Variants in FZR1 observed in about 807,000 individuals in gnomAD.
FZR1 encodes the protein fizzy-related protein homolog.
Under a neutral mutation model 63.6 loss-of-function variants are expected in FZR1, and 11 were observed. That is an observed-to-expected ratio of 0.17 (90% CI 0.11 to 0.29). The LOEUF (loss-of-function observed/expected upper bound fraction) is 0.29. Ranked by LOEUF, FZR1 falls within the 10% of genes least tolerant of loss-of-function variation. FZR1 has a pLI of 1.00. For missense variants in FZR1, 440 were observed against 687.5 expected (o/e 0.64, Z 4.03); for synonymous variants, 328 against 297.9 (o/e 1.10, Z -1.04).
At chr19:3,509,436 G>A (rs2083008893) in intron 1 of FZR1, among the ~76,000 whole-genome samples, 1 of 152,162 alleles carries the variant, frequency 6.6e-6, no homozygotes, top group South Asian at 2.1e-4. Flanking sequence ...CTTCTTCACT[G>A]GCCCTTCTTT....
At chr19:3,511,327 C>A (rs1356545667) in intron 1 of FZR1, among the ~76,000 whole-genome samples, 1 of 152,198 alleles carries the variant, frequency 6.6e-6, no homozygotes, top group Non-Finnish European at 1.5e-5. Context: ...GAGCTGCCCC[C>A]CACACAGGGA....
At chr19:3,532,393 G>GGCCTCACAGCCCCT (rs2083257547) in intron 10 of FZR1, 24 bp from the exon 11 acceptor site, 14 of 1,561,010 alleles carry the variant, frequency 9.0e-6, no homozygotes, top group Non-Finnish European at 1.2e-5. Flanking sequence ...GGACAGCCCC[G>GGCCTCACAGCCCCT]GCCTCACAGC....
intron 1 of FZR1, among the ~76,000 whole-genome samples, chr19:3,512,435 GA>G (rs1255511902): frequency 2.0e-5 from 3 of 152,250 alleles, no homozygotes; most frequent in Non-Finnish European, 4.4e-5. Flanking sequence ...CCCAAGAGGT[GA>G]AGCTGCCCAA....
At chr19:3,520,670 G>A (rs1226618350) in intron 1 of FZR1, among the ~76,000 whole-genome samples, 1 of 152,226 alleles carries the variant, frequency 6.6e-6, no homozygotes, top group African/African-American at 2.4e-5. Context: ...CCCAGTCAGC[G>A]CTGCCTGCGG....
In FZR1 at chr19:3,514,966, T is replaced by C. The variant is rs944459952; in HGVS notation, c.-34-7990T>C. ...GGGGGTGAAAGGTGGACCTTCCCTATGAGCTGGCCCAGGGGGTTTGCAGGA... is the reference window on the plus strand; with the variant it reads ...GGGGGTGAAAGGTGGACCTTCCCTACGAGCTGGCCCAGGGGGTTTGCAGGA... On this transcript the variant is annotated intron_variant, in intron 1 of 13. Coordinates refer to ENST00000441788, the MANE Select transcript of FZR1 (RefSeq NM_016263.4). This position sits in a 1 kb window ranked among gnomAD's most constrained non-coding sequence, Gnocchi z 4.2. Among the ~76,000 whole-genome samples, 1 of 152,144 alleles carries C rather than the reference T, an allele frequency of 6.6e-6. No homozygotes were observed. Among genetic ancestry groups the C allele is most frequent in the South Asian group, 2.1e-4 (1 of 4,824 alleles).
rs1173536739 is a variant in FZR1 at position 3,535,809 on chromosome 19, C to T, written c.*973C>T. 1.3e-5 allele frequency: 2 copies of T among 152,354 alleles called. No homozygotes were observed. The highest frequency in any genetic ancestry group is 2.9e-5 in the Non-Finnish European group (2 of 68,124). The allele number at this position is 152,354 out of a possible 1,614,324, so 9.4% of individuals were successfully genotyped here. ...CAGGCTGCCTGTGTCTTCACCTGTC[C>T]TGTCCACCAGCGCCAACAGCCGTGG... is the stretch of plus-strand genomic sequence containing the variant. On this transcript the variant is annotated 3_prime_UTR_variant, in exon 14 of 14. Coordinates refer to ENST00000441788, the MANE Select transcript of FZR1 (RefSeq NM_016263.4).
intron 1 of FZR1, among the ~76,000 whole-genome samples, chr19:3,507,215 C>A (rs988364133): frequency 4.1e-5 from 6 of 148,110 alleles, no homozygotes; most frequent in Non-Finnish European, 5.9e-5. Context: ...AAGCCTCAGA[C>A]GAGCTATCCG....
rs2083261432 is a variant in FZR1, at chr19:3,532,800, G to GT, written c.1242+152dup. Reference sequence around the variant, plus strand: ...GGGAGGCCGAGCGGGGAGGCAGGGAGTTGTGGGGGGCAAGGCCCCTGGGCC... The same window carrying GT: ...GGGAGGCCGAGCGGGGAGGCAGGGAGTTTGTGGGGGGCAAGGCCCCTGGGCC... On this transcript the variant is annotated intron_variant, in intron 11 of 13. Transcript: ENST00000441788. 3 of 657,124 alleles carry GT rather than the reference G, an allele frequency of 4.6e-6. No individual in the cohort carries two copies. In the East Asian group the frequency reaches 8.2e-5, roughly 18 times the overall value. 40.7% of individuals were successfully genotyped at this position (657,124 alleles called of 1,614,324 possible).
rs1279561213 is a variant in FZR1, at chr19:3,534,943, G to A, written c.*107G>A. 9.9e-6 allele frequency: 9 copies of A among 910,350 alleles called. No homozygotes were observed. The highest frequency in any genetic ancestry group is 5.3e-5 in the South Asian group (4 of 75,274). The allele number at this position is 910,350 out of a possible 1,614,324, so 56.4% of individuals were successfully genotyped here. A position where few individuals can be genotyped will look rare whatever the true frequency, so the allele number is the denominator to read the frequency against. On this transcript the variant is annotated 3_prime_UTR_variant, in exon 14 of 14. Coordinates refer to ENST00000441788, the MANE Select transcript of FZR1 (RefSeq NM_016263.4). ...CCAGCGCTTGTCCCCCGAGGAAGGC[G>A]GCTGGGCGGGCGGGGAGCTGGGCCT...
intron 1 of FZR1, among the ~76,000 whole-genome samples, chr19:3,521,861 T>A (rs2083104958): frequency 6.6e-6 from 1 of 150,784 alleles, no homozygotes; most frequent in Non-Finnish European, 1.5e-5. Flanking sequence ...TCACTTTTTT[T>A]TTTTTTTTTT....
At chr19:3,507,639 C>T (rs2082994492) in intron 1 of FZR1, among the ~76,000 whole-genome samples, 1 of 152,166 alleles carries the variant, frequency 6.6e-6, no homozygotes, top group Admixed American at 6.5e-5. Flanking sequence ...AAGGGAAAAC[C>T]ATCCACCAAG....
At chr19:3,531,604 AC>A in intron 8 of FZR1, 109 bp from the exon 9 acceptor site, 1 of 714,888 alleles carries the variant, frequency 1.4e-6, no homozygotes. Context: ...CGTTAGGGAA[AC>A]CGTCCCAGAG....
At chr19:3,511,353 C>T (rs1348056445) in intron 1 of FZR1, among the ~76,000 whole-genome samples, 1 of 152,212 alleles carries the variant, frequency 6.6e-6, no homozygotes, top group Non-Finnish European at 1.5e-5. Context: ...GTGAGAGCTG[C>T]TGGCCGAGTA....
chr19:3,514,557 G>A lies in FZR1; in HGVS notation c.-35+8083G>A, dbSNP rs1275662701. Among the ~76,000 whole-genome samples the A allele has an allele frequency of 6.6e-6, 1 of 152,112 alleles. No individual in the cohort carries two copies. The highest frequency in any genetic ancestry group is 1.5e-5 in the Non-Finnish European group (1 of 68,000). ...AATCACCCTGGTTAAGACCCCCTGG[G>A]TTATGGGATTCCATGGACCCCCAAG... On this transcript the variant is annotated intron_variant, in intron 1 of 13. Transcript: ENST00000441788. The surrounding 1 kb of genome is among the most constrained non-coding windows in gnomAD (Gnocchi z 4.2).
chr19:3,534,346 C>T, intron 12 of FZR1, 75 bp from the exon 13 acceptor site: 1 of 800,772 alleles, frequency 1.2e-6, no homozygotes, highest in Non-Finnish European at 2.1e-6. Context: ...TTGCTCCCCT[C>T]TCCTTCAGTC....
intron 1 of FZR1, among the ~76,000 whole-genome samples, chr19:3,522,615 A>G (rs1170463420): frequency 6.6e-6 from 1 of 152,156 alleles, no homozygotes; most frequent in African/African-American, 2.4e-5. Flanking sequence ...TCCTCGGGAC[A>G]TGGAGGCTGC....
rs1170906969 is a variant in FZR1, at chr19:3,527,479, T to C, written c.471-152T>C. ...ACCCGAGGGTGAAGGCCTGTGGGGCTGTCCCTGGGTTTAGGATCACATGGT... is the reference window on the plus strand; with the variant it reads ...ACCCGAGGGTGAAGGCCTGTGGGGCCGTCCCTGGGTTTAGGATCACATGGT... On this transcript the variant is annotated intron_variant, in intron 6 of 13. Transcript: ENST00000441788. 6.3e-6 allele frequency: 4 copies of C among 637,652 alleles called. No individual in the cohort carries two copies. In the East Asian group the frequency reaches 8.3e-5, roughly 13 times the overall value. The allele number at this position is 637,652 out of a possible 1,614,324, so 39.5% of individuals were successfully genotyped here.
rs1278661207 is a variant in FZR1, at chr19:3,516,951, G to T, written c.-34-6005G>T. Among the ~76,000 whole-genome samples the T allele has an allele frequency of 2.0e-5, 3 of 152,262 alleles. No homozygotes were observed. The highest frequency in any genetic ancestry group is 2.0e-4 in the Admixed American group (3 of 15,290). ...CTGGCGCCCGGTGTATTTGCTTTCA[G>T]TGCTGACTTCAGGGCAGCATCAGTG... On this transcript the variant is annotated intron_variant, in intron 1 of 13. Transcript: ENST00000441788. This position sits in a 1 kb window ranked among gnomAD's most constrained non-coding sequence, Gnocchi z 6.0.
chr19:3,522,702 G>A (rs2083113953), intron 1 of FZR1, among the ~76,000 whole-genome samples: 1 of 152,172 alleles, frequency 6.6e-6, no homozygotes, highest in Non-Finnish European at 1.5e-5. Flanking sequence ...GGCCTCCAGG[G>A]CAGAAAGCCC....
Sources: allele counts gnomAD v4.1 joint callset (sites outside exome capture counted in the v4.1 genomes callset), GRCh38; gene constraint gnomAD v4.1.1; non-coding constraint Gnocchi (gnomAD v3.1); transcripts MANE v1.5; gene names NCBI Gene and HGNC (gene_info 2026-07-23, HGNC 2026-07-21).